SYCP2L: variants seen among roughly 807,000 people sequenced by gnomAD.
The protein encoded by SYCP2L is synaptonemal complex protein 2 like.
In SYCP2L, 98 loss-of-function variants were observed where a neutral mutation model predicts 125.8. The observed-to-expected ratio is 0.78, with a 90% CI of 0.66 to 0.92. The LOEUF (loss-of-function observed/expected upper bound fraction) is 0.92. SYCP2L is among the 40% of genes least tolerant of loss of function. SYCP2L has a pLI of 0.00. For missense variants in SYCP2L, 842 were observed against 936.4 expected (o/e 0.90, Z 1.32); for synonymous variants, 317 against 325.4 (o/e 0.97, Z 0.28).
At chr6:10,899,326 T>C (rs898382867) in intron 6 of SYCP2L, among the ~76,000 whole-genome samples, 4 of 152,166 alleles carry the variant, frequency 2.6e-5, no homozygotes, top group African/African-American at 9.7e-5. Flanking sequence ...GGAGGGAGAA[T>C]TGATTGCATC....
intron 14 of SYCP2L, among the ~76,000 whole-genome samples, chr6:10,920,757 A>T (rs1780784174): frequency 6.6e-6 from 1 of 151,512 alleles, no homozygotes; most frequent in South Asian, 2.1e-4. Flanking sequence ...CGGGATGTAC[A>T]GGTTTGTTAC....
intron 14 of SYCP2L, among the ~76,000 whole-genome samples, chr6:10,921,478 C>G (rs898531461): frequency 1.1e-4 from 16 of 152,166 alleles, no homozygotes; most frequent in African/African-American, 3.6e-4. Context: ...AATGGTTGAA[C>G]TAATTTACGC....
At chr6:10,929,265 C>T (rs753226810) in intron 18 of SYCP2L, among the ~76,000 whole-genome samples, 17 of 152,160 alleles carry the variant, frequency 1.1e-4, no homozygotes, top group Non-Finnish European at 2.2e-4. Flanking sequence ...GCCTCTGCCT[C>T]ATTTCTTCAT....
chr6:10,910,944 A>C (rs1780596299), intron 12 of SYCP2L, 75 bp downstream of exon 12: 2 of 1,524,722 alleles, frequency 1.3e-6, no homozygotes, highest in Non-Finnish European at 1.8e-6. Flanking sequence ...TGGTTAGATC[A>C]AACTTTTGCT....
chr6:10,932,007 T>A (rs867972395), intron 20 of SYCP2L, among the ~76,000 whole-genome samples: 6 of 148,770 alleles, frequency 4.0e-5, no homozygotes, highest in African/African-American at 9.9e-5. Flanking sequence ...TTTTTTTTTT[T>A]AACTGTTCCC....
At chr6:10,904,425 A>C (rs1216821102) in intron 8 of SYCP2L, among the ~76,000 whole-genome samples, 1 of 152,204 alleles carries the variant, frequency 6.6e-6, no homozygotes, top group Non-Finnish European at 1.5e-5. Context: ...GAAATGGGTG[A>C]TTTGTGAGCA....
intron 23 of SYCP2L, among the ~76,000 whole-genome samples, chr6:10,950,878 C>A (rs1265257975): frequency 6.6e-6 from 1 of 151,994 alleles, no homozygotes; most frequent in Non-Finnish European, 1.5e-5. Context: ...CTAGGCTGGT[C>A]TTGAACTCTT....
intron 5 of SYCP2L, among the ~76,000 whole-genome samples, chr6:10,898,463 C>T (rs866848571): frequency 7.2e-5 from 11 of 152,130 alleles, no homozygotes; most frequent in Middle Eastern, 6.8e-3. Context: ...TATAGTGAGC[C>T]GAGACCACGC....
rs202187095 is a variant in SYCP2L at position 10,926,385 on chromosome 6, C to A, written c.1265C>A (p.Ser422Tyr). The change falls in exon 16 of 30, where the codon TCT (serine) becomes TAT (tyrosine). Residue 422 changes from serine (S) to tyrosine (Y), a missense_variant. Physicochemically the swap from Ser to Tyr is moderately radical, Grantham distance 144. Coordinates refer to ENST00000283141, the MANE Select transcript of SYCP2L (RefSeq NM_001040274.3). ...ATCTCCTCAGAACTTTTTAGTAAGTCTGATAAAGAAGACAGGGAGAGTCCC... is the reference window on the plus strand; with the variant it reads ...ATCTCCTCAGAACTTTTTAGTAAGTATGATAAAGAAGACAGGGAGAGTCCC... ...TKISSELFSK[S>Y]DKEDRESPSG... 1 of 1,613,526 alleles carries A rather than the reference C, an allele frequency of 6.2e-7. No homozygotes were observed. Among genetic ancestry groups the A allele is most frequent in the African/African-American group, 1.3e-5 (1 of 74,876 alleles).
intron 21 of SYCP2L, among the ~76,000 whole-genome samples, chr6:10,938,695 T>A (rs572801084): frequency 6.0e-4 from 91 of 152,320 alleles, no homozygotes; most frequent in Non-Finnish European, 9.7e-4. Flanking sequence ...AATAAATGAA[T>A]TCAGTAAAGT....
chr6:10,936,052 CAATATT>C (rs1224292117), intron 21 of SYCP2L, among the ~76,000 whole-genome samples: 2 of 151,832 alleles, frequency 1.3e-5, no homozygotes, highest in Non-Finnish European at 1.5e-5. Flanking sequence ...TTATTAATAA[CAATATT>C]AATATTGTTC....
At chr6:10,900,910 G>A (rs1299110719) in intron 6 of SYCP2L, among the ~76,000 whole-genome samples, 1 of 152,172 alleles carries the variant, frequency 6.6e-6, no homozygotes, top group East Asian at 1.9e-4. Context: ...CAGTTGTCTT[G>A]TGCGAGCTTT....
intron 14 of SYCP2L, among the ~76,000 whole-genome samples, chr6:10,921,386 G>C (rs1780798396): frequency 6.6e-6 from 1 of 152,066 alleles, no homozygotes; most frequent in South Asian, 2.1e-4. Flanking sequence ...ATTCCTTTAG[G>C]CATATACCCA....
intron 29 of SYCP2L, among the ~76,000 whole-genome samples, chr6:10,972,157 AATT>A (rs1484992108): frequency 6.6e-6 from 1 of 152,202 alleles, no homozygotes; most frequent in East Asian, 1.9e-4. Context: ...GGTTATTTTT[AATT>A]ATTATTCAAA....
Position 10,956,045 on chromosome 6 carries a change from A to G in SYCP2L, c.2057-91A>G, listed in dbSNP as rs532837621. ...TCCATGGTTCGCATCTGTGCTTCCA[A>G]ATAACTCATCCTCTGGGCAACTGAT... On this transcript the variant is annotated intron_variant, in intron 24 of 29. Coordinates refer to ENST00000283141, the MANE Select transcript of SYCP2L (RefSeq NM_001040274.3). 24 of 1,063,592 alleles carry G rather than the reference A, an allele frequency of 2.3e-5. No individual in the cohort carries two copies. In the South Asian group the frequency reaches 2.8e-4, roughly 12 times the overall value. 65.9% of individuals were successfully genotyped at this position (1,063,592 alleles called of 1,614,324 possible).
chr6:10,927,908 G>A (rs1327113413), intron 17 of SYCP2L, among the ~76,000 whole-genome samples: 1 of 152,096 alleles, frequency 6.6e-6, no homozygotes, highest in Non-Finnish European at 1.5e-5. Flanking sequence ...TCTCAGGTAT[G>A]TTCCTTGCTG....
At chr6:10,962,743 C>T (rs1391092141) in intron 28 of SYCP2L, among the ~76,000 whole-genome samples, 1 of 152,074 alleles carries the variant, frequency 6.6e-6, no homozygotes. Context: ...AATAGCATTG[C>T]TTCATGTTTT....
chr6:10,938,313 G>A (rs1228779084), intron 21 of SYCP2L, among the ~76,000 whole-genome samples: 2 of 152,100 alleles, frequency 1.3e-5, no homozygotes, highest in Non-Finnish European at 2.9e-5. Context: ...TAAATTCATA[G>A]AATCATTTCA....
intron 23 of SYCP2L, among the ~76,000 whole-genome samples, chr6:10,944,447 A>T (rs149251458): frequency 2.6e-5 from 4 of 152,062 alleles, no homozygotes; most frequent in Non-Finnish European, 5.9e-5. Flanking sequence ...ATCTTCTTCC[A>T]CTGTGTGGTC....
Sources: gnomAD v4.1 joint callset for allele counts (sites outside exome capture counted in the v4.1 genomes callset) on GRCh38, gnomAD v4.1.1 for gene constraint, MANE v1.5 for transcripts, NCBI Gene and HGNC (gene_info 2026-07-23, HGNC 2026-07-21) for gene names.